The following DAB1 variants were observed in gnomAD, a reference collection of about 807,000 sequenced individuals.
The protein encoded by DAB1 is DAB adaptor protein 1.
Under a neutral mutation model 64.6 loss-of-function variants are expected in DAB1, and 15 were observed. That is an observed-to-expected ratio of 0.23 (90% CI 0.16 to 0.36). The LOEUF (loss-of-function observed/expected upper bound fraction) is 0.36, where lower values mean the gene tolerates loss of function less well. Ranked by LOEUF, DAB1 falls within the 10% of genes least tolerant of loss-of-function variation. The probability of loss-of-function intolerance (pLI) is 1.00; values close to 1 mark genes in which losing one functional copy is unlikely to be tolerated. For missense variants in DAB1, 596 were observed against 706.7 expected, an observed-to-expected ratio of 0.84 and a Z score of 1.78; for synonymous variants, 235 against 251.9, an observed-to-expected ratio of 0.93 and a Z score of 0.64.
chr1:57,730,738 T>C (rs909892505), intron 6 of DAB1, among the ~76,000 whole-genome samples: 2 of 152,216 alleles, frequency 1.3e-5, no homozygotes, highest in African/African-American at 4.8e-5. Context: ...CATTGTGGTT[T>C]GGTAGACAGA....
At chr1:57,058,186 G>A (rs529819132) in intron 9 of DAB1, among the ~76,000 whole-genome samples, 32 of 152,266 alleles carry the variant, frequency 2.1e-4, no homozygotes, top group South Asian at 1.5e-3. Flanking sequence ...CCACCTGTCC[G>A]CCTGGTGATC....
At chr1:58,284,493 T>TTAAG (rs1186562017) in intron 4 of DAB1, among the ~76,000 whole-genome samples, 1 of 152,264 alleles carries the variant, frequency 6.6e-6, no homozygotes, top group Non-Finnish European at 1.5e-5. Context: ...AGAGCTGGTA[T>TTAAG]TAAGCACAGA....
chr1:57,420,790 T>C (rs1474310542), intron 1 of DAB1, among the ~76,000 whole-genome samples: 3 of 152,224 alleles, frequency 2.0e-5, no homozygotes, highest in Non-Finnish European at 4.4e-5. Context: ...TTCTGGGAAG[T>C]TGAGATTCAT....
chr1:58,522,198 A>G (rs1242406841), intron 2 of DAB1, among the ~76,000 whole-genome samples: 1 of 152,190 alleles, frequency 6.6e-6, no homozygotes, highest in Non-Finnish European at 1.5e-5. Flanking sequence ...CATCAGGAAG[A>G]ATAGCTAATG....
At chr1:57,357,337 G>A (rs1679187257) in intron 1 of DAB1, among the ~76,000 whole-genome samples, 1 of 151,920 alleles carries the variant, frequency 6.6e-6, no homozygotes, top group African/African-American at 2.4e-5. Context: ...ACCTTTAACT[G>A]TAGAACCTCA....
chr1:57,469,257 T>G (rs1687060018), intron 7 of DAB1, among the ~76,000 whole-genome samples: 1 of 152,174 alleles, frequency 6.6e-6, no homozygotes, highest in Admixed American at 6.5e-5. Context: ...AGGAAACAAT[T>G]AACATATGCA....
At chr1:58,033,493 C>T (rs1263872293) in intron 5 of DAB1, among the ~76,000 whole-genome samples, 2 of 152,144 alleles carry the variant, frequency 1.3e-5, no homozygotes, top group Non-Finnish European at 2.9e-5. Context: ...GGGAATATGA[C>T]TAAAACATTC....
rs1654180212 is a variant in DAB1 at position 57,863,962 on chromosome 1, A to G, written n.87+20037T>C. The stretch of plus-strand genomic sequence containing the variant: ...CTAGATGCCAGAGATACAGCTCTGA[A>G]CAAGAGATAAAATCCCTGCTGTCAA... On this transcript the variant is annotated intron_variant and non_coding_transcript_variant, in intron 1 of 1. Coordinates refer to the DAB1 transcript ENST00000477280. 2.0e-5 allele frequency among the ~76,000 whole-genome samples: 3 copies of G among 152,326 alleles called. 1 individual carries two copies. The South Asian group carries it at 6.2e-4, about 32-fold the overall frequency.
chr1:58,319,536 T>G (rs1662636460), intron 4 of DAB1, among the ~76,000 whole-genome samples: 1 of 152,202 alleles, frequency 6.6e-6, no homozygotes. Context: ...CTCTGAACAA[T>G]TCCTTTATTC....
At chr1:57,125,250 A>T (rs1657032108) in intron 4 of DAB1, among the ~76,000 whole-genome samples, 1 of 151,832 alleles carries the variant, frequency 6.6e-6, no homozygotes, top group Admixed American at 6.6e-5. Flanking sequence ...CCCTGAAGGG[A>T]CTCCCGCCCT....
chr1:58,033,467 T>C (rs964712679), intron 5 of DAB1, among the ~76,000 whole-genome samples: 1 of 152,232 alleles, frequency 6.6e-6, no homozygotes, highest in Non-Finnish European at 1.5e-5. Context: ...CTGTTTTGAA[T>C]GTGCTGTTTC....
intron 4 of DAB1, among the ~76,000 whole-genome samples, chr1:58,255,402 T>C (rs1374112741): frequency 6.8e-6 from 1 of 146,600 alleles, no homozygotes; most frequent in East Asian, 2.1e-4. Context: ...ATCACGTCTG[T>C]GAACTCTCTT....
At chr1:57,062,996 A>G in intron 8 of DAB1, 53 bp from the exon 9 acceptor site, 1 of 1,524,658 alleles carries the variant, frequency 6.6e-7, no homozygotes. Context: ...CTCCAATTTC[A>G]AAGAACAAAG....
At chr1:58,098,213 G>A (rs1651105441) in intron 5 of DAB1, among the ~76,000 whole-genome samples, 2 of 152,104 alleles carry the variant, frequency 1.3e-5, no homozygotes, top group Non-Finnish European at 2.9e-5. Flanking sequence ...AGCAGGAAAC[G>A]GATGGCACAC....
At chr1:57,637,549 G>A (rs1357634346) in intron 7 of DAB1, among the ~76,000 whole-genome samples, 1 of 152,134 alleles carries the variant, frequency 6.6e-6, no homozygotes, top group Admixed American at 6.5e-5. Flanking sequence ...CTTGGTATGT[G>A]TATCAAAACC....
chr1:57,579,355 C>A (rs1478600821), intron 7 of DAB1, among the ~76,000 whole-genome samples: 1 of 152,288 alleles, frequency 6.6e-6, no homozygotes, highest in East Asian at 1.9e-4. Context: ...TACCCTATCA[C>A]TTGCTGGCCT....
At chr1:57,897,982 G>A (rs1246105673) in intron 5 of DAB1, among the ~76,000 whole-genome samples, 1 of 152,148 alleles carries the variant, frequency 6.6e-6, no homozygotes, top group African/African-American at 2.4e-5. Flanking sequence ...CAATCTGACA[G>A]CAGGTCCTGC....
chr1:57,302,456 C>T (rs571667732), intron 1 of DAB1, among the ~76,000 whole-genome samples: 7 of 152,308 alleles, frequency 4.6e-5, no homozygotes, highest in African/African-American at 1.7e-4. Flanking sequence ...GCACTCACTC[C>T]TTACACACCA....
intron 2 of DAB1, among the ~76,000 whole-genome samples, chr1:57,223,756 C>A (rs941058008): frequency 1.3e-5 from 2 of 152,130 alleles, no homozygotes; most frequent in Non-Finnish European, 2.9e-5. Context: ...ATAAACACCC[C>A]CAAACTCAGG....
Sources: gnomAD v4.1 joint callset for allele counts (sites outside exome capture counted in the v4.1 genomes callset) on GRCh38, gnomAD v4.1.1 for gene constraint, MANE v1.5 for transcripts, NCBI Gene and HGNC (gene_info 2026-07-23, HGNC 2026-07-21) for gene names.